FAM171B: variants seen among roughly 807,000 people sequenced by gnomAD.
FAM171B encodes the protein family with sequence similarity 171 member B.
In FAM171B, 19 loss-of-function variants were observed where a neutral mutation model predicts 75.6. The ratio of observed to expected loss-of-function variants is 0.25; its 90% CI spans 0.18 to 0.37. FAM171B has a LOEUF of 0.37. FAM171B is among the 10% of genes least tolerant of loss of function. FAM171B has a pLI of 1.00. For synonymous variants in FAM171B, 367 were observed against 361.7 expected (o/e 1.01, Z -0.17); for missense variants, 848 against 982.4 (o/e 0.86, Z 1.83).
chr2:186,742,546 A>G lies in FAM171B; in HGVS notation c.473-937A>G, dbSNP rs569785053. Among the ~76,000 whole-genome samples, 23 of 152,050 alleles carry G rather than the reference A, an allele frequency of 1.5e-4. 2 individuals are homozygous for G. The highest frequency in any genetic ancestry group is 5.3e-4 in the African/African-American group (22 of 41,496). On this transcript the variant is annotated intron_variant, in intron 2 of 7. Coordinates refer to ENST00000304698, the MANE Select transcript of FAM171B (RefSeq NM_177454.4). ...CTTTTTGTATTTTACTTTTTTCCATATTTTCTTTAAATTCTTTGAAATATC... is the reference window on the plus strand; with the variant it reads ...CTTTTTGTATTTTACTTTTTTCCATGTTTTCTTTAAATTCTTTGAAATATC...
intron 1 of FAM171B, among the ~76,000 whole-genome samples, chr2:186,736,568 G>T (rs923525345): frequency 5.0e-5 from 4 of 79,986 alleles, no homozygotes; most frequent in African/African-American, 1.7e-4. Flanking sequence ...GTGTGTGTGG[G>T]AGAGAGAGAG....
At chr2:186,754,977 A>G (rs1424834733) in intron 6 of FAM171B, among the ~76,000 whole-genome samples, 1 of 152,196 alleles carries the variant, frequency 6.6e-6, no homozygotes. Flanking sequence ...CAAAACCATG[A>G]ATTGTCCACT....
Position 186,765,945 on chromosome 2 carries a change from TA to T in FAM171B, c.*3125del, listed in dbSNP as rs1690692690. Reference sequence around the variant, plus strand: ...ACATAGTTCATTAAAAATAATAAAATAAATCTAAAATGTACTTGGAGCATTG... The same window carrying T: ...ACATAGTTCATTAAAAATAATAAAATAATCTAAAATGTACTTGGAGCATTG... On this transcript the variant is annotated 3_prime_UTR_variant, in exon 8 of 8. Coordinates refer to ENST00000304698, the MANE Select transcript of FAM171B (RefSeq NM_177454.4). The T allele has an allele frequency of 6.6e-6, 1 of 152,066 alleles. No homozygotes were observed. The highest frequency in any genetic ancestry group is 2.1e-4 in the South Asian group (1 of 4,832). The allele number at this position is 152,066 out of a possible 1,614,324, so 9.4% of individuals were successfully genotyped here. A position where few individuals can be genotyped will look rare whatever the true frequency, so the allele number is the denominator to read the frequency against.
intron 1 of FAM171B, among the ~76,000 whole-genome samples, chr2:186,699,992 T>G (rs1304269011): frequency 6.6e-6 from 1 of 152,194 alleles, no homozygotes; most frequent in Non-Finnish European, 1.5e-5. Context: ...TTGTCTGTTT[T>G]TATGCCAGTT....
chr2:186,737,127 A>G (rs911375136), intron 1 of FAM171B, among the ~76,000 whole-genome samples: 2 of 152,182 alleles, frequency 1.3e-5, no homozygotes, highest in African/African-American at 4.8e-5. Flanking sequence ...CCAAGGTCAC[A>G]TGTCTAGGGA....
chr2:186,698,768 C>T (rs1264852399), intron 1 of FAM171B, among the ~76,000 whole-genome samples: 1 of 152,098 alleles, frequency 6.6e-6, no homozygotes, highest in Non-Finnish European at 1.5e-5. Flanking sequence ...TTGACCATCC[C>T]CACTTCTTCC....
intron 1 of FAM171B, among the ~76,000 whole-genome samples, chr2:186,725,111 G>A (rs770807265): frequency 7.2e-5 from 11 of 152,096 alleles, no homozygotes; most frequent in Non-Finnish European, 1.5e-4. Context: ...TTGGGAGGCC[G>A]AGGCAGGCAG....
chr2:186,744,702 T>C (rs1690342107), intron 3 of FAM171B, among the ~76,000 whole-genome samples: 1 of 152,042 alleles, frequency 6.6e-6, no homozygotes, highest in East Asian at 1.9e-4. Flanking sequence ...TAGTTTTGTA[T>C]TTTTAGTAGA....
chr2:186,747,585 A>C (rs1232006332), intron 4 of FAM171B, among the ~76,000 whole-genome samples: 2 of 152,140 alleles, frequency 1.3e-5, no homozygotes, highest in African/African-American at 4.8e-5. Context: ...AATACATTCA[A>C]AAATTAAAAT....
At position 186,762,391 on chromosome 2, in the gene FAM171B, A is replaced by C; in HGVS notation, c.2049A>C (p.Ala683=). ...TGTCTCTTGATGGAAAGCCAGTTGC[A>C]CAAGTGAGGCACTCCTTTATAGACC... The part of the protein sequence containing the change: ...WFVSLDGKPV[A]QVRHSFIDLK... The change falls in exon 8 of 8, where the codon GCA becomes GCC. Residue 683 remains alanine (A), a synonymous_variant. Coordinates refer to ENST00000304698, the MANE Select transcript of FAM171B (RefSeq NM_177454.4). This position sits in a 1 kb window ranked among gnomAD's most constrained non-coding sequence, Gnocchi z 4.0. The C allele has an allele frequency of 6.2e-7, 1 of 1,613,688 alleles. No homozygotes were observed. Among genetic ancestry groups the C allele is most frequent in the Non-Finnish European group, 8.5e-7 (1 of 1,179,764 alleles).
intron 1 of FAM171B, among the ~76,000 whole-genome samples, chr2:186,716,399 G>A (rs1689875266): frequency 6.6e-6 from 1 of 152,102 alleles, no homozygotes; most frequent in African/African-American, 2.4e-5. Flanking sequence ...ATTAATCACT[G>A]TCTTGAATTG....
At chr2:186,730,505 G>A (rs1187397923) in intron 1 of FAM171B, among the ~76,000 whole-genome samples, 1 of 152,142 alleles carries the variant, frequency 6.6e-6, no homozygotes, top group Non-Finnish European at 1.5e-5. Flanking sequence ...AGCTAGAGAG[G>A]ACCCTGTTAG....
At chr2:186,710,281 G>A (rs1000251620) in intron 1 of FAM171B, among the ~76,000 whole-genome samples, 8 of 152,188 alleles carry the variant, frequency 5.3e-5, no homozygotes, top group African/African-American at 1.9e-4. Flanking sequence ...CTTGTGTGGT[G>A]TGTTGTCTTT....
intron 1 of FAM171B, among the ~76,000 whole-genome samples, chr2:186,701,242 A>G (rs1173088233): frequency 6.6e-6 from 1 of 152,152 alleles, no homozygotes; most frequent in Non-Finnish European, 1.5e-5. Context: ...TAAATTGTAC[A>G]TATTATATTA....
chr2:186,748,954 A>G (rs1690412053), intron 4 of FAM171B, among the ~76,000 whole-genome samples: 1 of 152,178 alleles, frequency 6.6e-6, no homozygotes, highest in Non-Finnish European at 1.5e-5. Flanking sequence ...TCAGTGGGAA[A>G]GGGTCAGAAT....
At chr2:186,753,444 T>G (rs572580492) in intron 5 of FAM171B, among the ~76,000 whole-genome samples, 6 of 152,348 alleles carry the variant, frequency 3.9e-5, no homozygotes, top group African/African-American at 1.4e-4. Flanking sequence ...ACTTTTTAAT[T>G]TTAAAACTCA....
At chr2:186,759,433 T>C (rs6761687) in intron 6 of FAM171B, among the ~76,000 whole-genome samples, 3,533 of 152,246 alleles carry the variant, frequency 0.023, 121 homozygotes, top group Admixed American at 0.075. Context: ...TTCTCCATAG[T>C]GACTATGTTA....
In FAM171B at chr2:186,762,688, G is replaced by C; in HGVS notation, c.2346G>C (p.Arg782Ser). ...MEHPGEESPG[R>S]KSTVEDFEAN... ...ACCCTGGAGAAGAGTCGCCAGGAAG[G>C]AAAAGCACTGTTGAAGATTTTGAAG... is the stretch of plus-strand genomic sequence containing the variant. The change falls in exon 8 of 8, where the codon AGG becomes AGC. Residue 782 changes from arginine (R) to serine (S), a missense_variant. Physicochemically the swap from Arg to Ser is moderately radical, Grantham distance 110. Coordinates refer to ENST00000304698, the MANE Select transcript of FAM171B (RefSeq NM_177454.4). This position sits in a 1 kb window ranked among gnomAD's most constrained non-coding sequence, Gnocchi z 4.0. 6.2e-7 allele frequency: 1 copy of C among 1,613,074 alleles called. No individual in the cohort carries two copies. The highest frequency in any genetic ancestry group is 2.2e-5 in the East Asian group (1 of 44,826).
chr2:186,701,872 C>G (rs1281977493), intron 1 of FAM171B, among the ~76,000 whole-genome samples: 2 of 152,172 alleles, frequency 1.3e-5, no homozygotes. Flanking sequence ...GAACTTGATT[C>G]TCTTTCAATG....
Sources: gnomAD v4.1 joint callset for allele counts (sites outside exome capture counted in the v4.1 genomes callset) on GRCh38, gnomAD v4.1.1 for gene constraint, Gnocchi (gnomAD v3.1) non-coding constraint, MANE v1.5 for transcripts, NCBI Gene and HGNC (gene_info 2026-07-23, HGNC 2026-07-21) for gene names.